The following TBC1D1 variants were observed in gnomAD, a reference collection of about 807,000 sequenced individuals.
TBC1D1 encodes the protein TBC1 domain family member 1.
A neutral mutation model predicts 125.6 loss-of-function variants in TBC1D1; 89 were observed. That is an observed-to-expected ratio of 0.71 (90% CI 0.60 to 0.85). The LOEUF is 0.85. Among genes scored for constraint, TBC1D1 ranks in the 40% least tolerant of loss-of-function variants. The pLI is 0.00. For missense variants in TBC1D1, 1,377 were observed against 1,469.2 expected (o/e 0.94, Z 1.03); for synonymous variants, 565 against 564.1 (o/e 1.00, Z -0.02).
intron 2 of TBC1D1, among the ~76,000 whole-genome samples, chr4:37,994,668 T>TTGC (rs769456573): frequency 5.3e-5 from 8 of 152,212 alleles, no homozygotes; most frequent in African/African-American, 7.2e-5. Flanking sequence ...ATGACCCTTG[T>TTGC]TGCTGCTGCT....
Position 38,093,860 on chromosome 4 carries a change from G to T in TBC1D1, c.2237-2069G>T, listed in dbSNP as rs543748609. On this transcript the variant is annotated intron_variant, in intron 13 of 19. Coordinates refer to ENST00000261439, the MANE Select transcript of TBC1D1 (RefSeq NM_015173.4). The stretch of plus-strand genomic sequence containing the variant: ...TTTTTCTGTATTTTTAAATGAAGAT[G>T]TGAGCAGCCTAATGTAAGATCACAA... Among the ~76,000 whole-genome samples the T allele has an allele frequency of 2.2e-3, 330 of 152,246 alleles. 1 individual carries two copies. The highest frequency in any genetic ancestry group is 7.4e-3 in the African/African-American group (308 of 41,534).
chr4:38,132,131 C>T (rs1765682880), intron 18 of TBC1D1, among the ~76,000 whole-genome samples: 1 of 151,704 alleles, frequency 6.6e-6, no homozygotes, highest in Non-Finnish European at 1.5e-5. Context: ...GAGGCAGTTT[C>T]TGCCCTTTTA....
intron 2 of TBC1D1, among the ~76,000 whole-genome samples, chr4:37,955,845 A>G (rs1051545225): frequency 6.6e-6 from 1 of 152,092 alleles, no homozygotes; most frequent in African/African-American, 2.4e-5. Context: ...ATTATAATAC[A>G]TATTGTCAGG....
chr4:38,073,202 G>C (rs908670562), intron 12 of TBC1D1, among the ~76,000 whole-genome samples: 3 of 152,112 alleles, frequency 2.0e-5, no homozygotes, highest in African/African-American at 4.8e-5. Context: ...ACTGTTTTCT[G>C]CAGCTGCTGT....
At chr4:38,018,288 C>G in intron 3 of TBC1D1, 66 bp from the exon 4 acceptor site, 1 of 1,203,900 alleles carries the variant, frequency 8.3e-7, no homozygotes, top group Non-Finnish European at 1.2e-6. Context: ...CCCTTTTATT[C>G]TTTATTTTCA....
intron 15 of TBC1D1, among the ~76,000 whole-genome samples, chr4:38,112,690 G>A (rs926593173): frequency 2.0e-5 from 3 of 152,202 alleles, no homozygotes; most frequent in South Asian, 2.1e-4. Flanking sequence ...CATAAGGGGC[G>A]CTACATGTAA....
chr4:38,092,431 A>G (rs1758576015), intron 13 of TBC1D1, among the ~76,000 whole-genome samples: 1 of 152,184 alleles, frequency 6.6e-6, no homozygotes, highest in South Asian at 2.1e-4. Context: ...CAAGATTAAT[A>G]CAAATATGAT....
At chr4:38,054,469 G>GT in intron 12 of TBC1D1, 131 bp downstream of exon 14, 1 of 1,186,644 alleles carries the variant, frequency 8.4e-7, no homozygotes, top group African/African-American at 1.5e-5. Flanking sequence ...AATCACAAAG[G>GT]TAACTAGGGA....
chr4:37,950,430 C>G (rs1051979707), intron 2 of TBC1D1, among the ~76,000 whole-genome samples: 1 of 147,572 alleles, frequency 6.8e-6, no homozygotes, highest in Non-Finnish European at 1.5e-5. Context: ...ATGGAAAGAC[C>G]CTTTATGCCG....
intron 12 of TBC1D1, among the ~76,000 whole-genome samples, chr4:38,075,325 T>C (rs1244293416): frequency 6.6e-6 from 1 of 152,218 alleles, no homozygotes; most frequent in Non-Finnish European, 1.5e-5. Flanking sequence ...CATTGAAGCC[T>C]GAAACTTAAC....
intron 1 of TBC1D1, among the ~76,000 whole-genome samples, chr4:37,897,578 A>G (rs1277520796): frequency 6.6e-6 from 1 of 152,232 alleles, no homozygotes; most frequent in Non-Finnish European, 1.5e-5. Flanking sequence ...ATGACTGATT[A>G]TTATCAACTG....
intron 2 of TBC1D1, among the ~76,000 whole-genome samples, chr4:37,933,976 G>A (rs1723857115): frequency 6.6e-6 from 1 of 152,236 alleles, no homozygotes; most frequent in Non-Finnish European, 1.5e-5. Context: ...CAGGCAGCCT[G>A]TTGTTGCAGG....
At chr4:38,054,959 G>C (rs573410116) in intron 12 of TBC1D1, 106 of 152,744 alleles carry the variant, frequency 6.9e-4, no homozygotes, top group Middle Eastern at 3.4e-3. Flanking sequence ...GTGCTCACTT[G>C]AGGCGTTCTT....
intron 15 of TBC1D1, chr4:38,112,165 G>A: frequency 1.4e-6 from 1 of 723,124 alleles, no homozygotes; most frequent in Non-Finnish European, 1.7e-6. Flanking sequence ...GGTGGTGGTG[G>A]TGATTATTAT....
intron 19 of TBC1D1, among the ~76,000 whole-genome samples, chr4:38,135,870 ATATGTGTGTGTGTGTG>A (rs1346464487): frequency 6.8e-6 from 1 of 147,700 alleles, no homozygotes; most frequent in East Asian, 1.9e-4. Context: ...GTGTGTATAT[ATATGTGTGTGTGTGTG>A]TATATATGTG....
At chr4:37,982,934 G>A (rs1317942785) in intron 2 of TBC1D1, among the ~76,000 whole-genome samples, 4 of 152,168 alleles carry the variant, frequency 2.6e-5, no homozygotes, top group Admixed American at 1.3e-4. Context: ...AGTAGCGTAT[G>A]CTAAGGCCTG....
chr4:37,968,870 C>G (rs10032072), intron 2 of TBC1D1, among the ~76,000 whole-genome samples: 1 of 152,162 alleles, frequency 6.6e-6, no homozygotes, highest in African/African-American at 2.4e-5. Flanking sequence ...GGACGAATTT[C>G]TAAACTGTTG....
intron 19 of TBC1D1, among the ~76,000 whole-genome samples, chr4:38,134,383 C>T (rs1011041090): frequency 1.4e-5 from 2 of 143,806 alleles, no homozygotes; most frequent in South Asian, 4.7e-4. Context: ...TAACCACTCA[C>T]ATTCTGAAAT....
At chr4:37,971,155 G>A (rs567356004) in intron 2 of TBC1D1, among the ~76,000 whole-genome samples, 6 of 152,270 alleles carry the variant, frequency 3.9e-5, no homozygotes, top group East Asian at 3.9e-4. Context: ...CAAGTCCTCC[G>A]TTAATGTCTC....
Sources: allele counts gnomAD v4.1 joint callset (sites outside exome capture counted in the v4.1 genomes callset), GRCh38; gene constraint gnomAD v4.1.1; transcripts MANE v1.5; gene names NCBI Gene and HGNC (gene_info 2026-07-23, HGNC 2026-07-21).